The following ARHGDIG variants were observed in gnomAD, a reference collection of about 807,000 sequenced individuals.
ARHGDIG encodes the protein rho GDP-dissociation inhibitor 3.
In ARHGDIG, 14 loss-of-function variants were observed where a neutral mutation model predicts 20.2. The ratio of observed to expected loss-of-function variants is 0.69; its 90% CI spans 0.46 to 1.08. The LOEUF is 1.08. Among genes scored for constraint, ARHGDIG ranks in the 50% least tolerant of loss-of-function variants. The pLI, the probability that ARHGDIG is intolerant of heterozygous loss-of-function variation, is 0.00. For synonymous variants in ARHGDIG, 193 were observed against 138.6 expected, an observed-to-expected ratio of 1.39 and a Z score of -2.76; for missense variants, 311 against 301.8, an observed-to-expected ratio of 1.03 and a Z score of -0.23.
In ARHGDIG at chr16:282,370, C is replaced by T; in HGVS notation, c.411C>T (p.Phe137=). The change falls in exon 4 of 6, where the codon TTC becomes TTT. Residue 137 remains phenylalanine (F), a synonymous_variant. Coordinates refer to ENST00000219409, the MANE Select transcript of ARHGDIG (RefSeq NM_001176.4). ...TTGATTACAGAGTGAAGATCTCCTT[C>T]AAGGTGAGAGCCGGGGCAATGGGCG... The part of the protein sequence containing the change: ...EGVDYRVKIS[F]KVHREIVSGL... 1 of 1,595,534 alleles carries T rather than the reference C, an allele frequency of 6.3e-7. No homozygotes were observed.
Position 282,696 on chromosome 16 carries a change from C to T in ARHGDIG, c.560C>T (p.Pro187Leu), listed in dbSNP as rs1486138480. Residue 187 changes from proline (P) to leucine (L), a missense_variant, in exon 6 of 6, where the codon CCG (proline) becomes CTG (leucine). By Grantham distance (98) the Pro-to-Leu change is moderately conservative (BLOSUM62 -3). Transcript: ENST00000219409. ...TTTGTGACTCCGGTGGAGGAAGCGC[C>T]GAGGGGTGCGCTGGTGCGGGGCCCC... Reference protein sequence around the residue: ...YEFVTPVEEAPRGALVRGPYL... With the variant: ...YEFVTPVEEALRGALVRGPYL... 11 of 1,602,074 alleles carry T rather than the reference C, an allele frequency of 6.9e-6. No individual in the cohort carries two copies. Among genetic ancestry groups the T allele is most frequent in the Admixed American group, 1.7e-5 (1 of 59,114 alleles).
At position 281,864 on chromosome 16, in the gene ARHGDIG, G is replaced by A. The variant is rs929197834; in HGVS notation, c.192G>A (p.Pro64=). ...KSLLEIRQLD[P]DDRSLAKYKR... ...TCTTGGAGATCCGGCAGCTGGACCC[G>A]GACGACAGGAGCCTGGCCAAGTACA... Residue 64 remains proline, a synonymous_variant, in exon 2 of 6, where the codon CCG becomes CCA. Transcript: ENST00000219409. 9 of 1,610,918 alleles carry A rather than the reference G, an allele frequency of 5.6e-6. No individual in the cohort carries two copies. Among genetic ancestry groups the A allele is most frequent in the Middle Eastern group, 3.3e-4 (2 of 6,074 alleles).
In ARHGDIG at chr16:280,919, T is replaced by G; in HGVS notation, c.73+166T>G. 1 of 308,584 alleles carries G rather than the reference T, an allele frequency of 3.2e-6. No individual in the cohort carries two copies. The highest frequency in any genetic ancestry group is 5.9e-4 in the Middle Eastern group (1 of 1,700). 19.1% of individuals were successfully genotyped at this position (308,584 alleles called of 1,614,324 possible). ...GGACTTCATCCAGGCTCCAGCCCTG[T>G]GGGGAAGGGACCAGGTGCGGACGGG... On this transcript the variant is annotated intron_variant, in intron 1 of 5. Transcript: ENST00000219409. This position sits in a 1 kb window ranked among gnomAD's most constrained non-coding sequence, Gnocchi z 6.6.
rs747704322 is a variant in ARHGDIG, at chr16:282,545, G to A, written c.478+15G>A. On this transcript the variant is annotated intron_variant, in intron 5 of 5. Transcript: ENST00000219409. ...GGGCCTGCGCGGTGAGGGCAGCGGT[G>A]GGGGGAACGGGGCGGGGGGGGGAAG... The A allele has an allele frequency of 2.6e-6, 4 of 1,552,244 alleles. No individual in the cohort carries two copies. Among genetic ancestry groups the A allele is most frequent in the East Asian group, 2.3e-5 (1 of 42,718 alleles).
chr16:282,779 T>A lies in ARHGDIG; in HGVS notation c.643T>A (p.Trp215Arg). The A allele has an allele frequency of 6.2e-7, 1 of 1,608,162 alleles. No individual in the cohort carries two copies. The highest frequency in any genetic ancestry group is 8.5e-7 in the Non-Finnish European group (1 of 1,178,526). The change falls in exon 6 of 6, where the codon TGG (tryptophan) becomes AGG (arginine). Residue 215 changes from tryptophan to arginine, a missense_variant. Physicochemically the swap from Trp to Arg is moderately radical, Grantham distance 101. Coordinates refer to ENST00000219409, the MANE Select transcript of ARHGDIG (RefSeq NM_001176.4). ...CAGGACGCACCACCTGTCCTGGGAGTGGGGTCTCTGCATCTGCCAGGACTG... is the reference window on the plus strand; with the variant it reads ...CAGGACGCACCACCTGTCCTGGGAGAGGGGTCTCTGCATCTGCCAGGACTG... ...DDRTHHLSWEWGLCICQDWKD is the reference protein window; with the variant it reads ...DDRTHHLSWERGLCICQDWKD
chr16:282,908 T>A lies in ARHGDIG; in HGVS notation c.*94T>A. The A allele has an allele frequency of 1.0e-6, 1 of 963,256 alleles. No individual in the cohort carries two copies. The highest frequency in any genetic ancestry group is 1.5e-6 in the Non-Finnish European group (1 of 688,928). 59.7% of individuals were successfully genotyped at this position (963,256 alleles called of 1,614,324 possible). ...CCCCGTGAGTGACCAGACCCTCCCC[T>A]GCTGCCCCTGCTGCCCCTGCTGCCC... On this transcript the variant is annotated 3_prime_UTR_variant, in exon 6 of 6. Transcript: ENST00000219409.
rs928071033 is a variant in ARHGDIG at position 281,741 on chromosome 16, C to T, written c.74-5C>T. The T allele has an allele frequency of 1.3e-6, 2 of 1,576,476 alleles. No individual in the cohort carries two copies. The highest frequency in any genetic ancestry group is 1.7e-6 in the Non-Finnish European group (2 of 1,162,362). On this transcript the variant is annotated splice_region_variant and splice_polypyrimidine_tract_variant and intron_variant, in intron 1 of 5. Transcript: ENST00000219409. ...GCTGCTGCTCACGCCCCTCCCCACC[C>T]CCAGTCCTCCTGGCTGACAAGGAGG...
At chr16:282,180 C>T (rs751588062) in intron 3 of ARHGDIG, 72 bp downstream of exon 3, 35 of 1,606,232 alleles carry the variant, frequency 2.2e-5, no homozygotes, top group Middle Eastern at 3.4e-4. Flanking sequence ...CCCTGAGTTC[C>T]GAGCCCTGGG....
At position 280,759 on chromosome 16, in the gene ARHGDIG, C is replaced by CG. The variant is rs2052274884; in HGVS notation, c.73+9dup. 7.8e-7 allele frequency: 1 copy of CG among 1,276,852 alleles called. No individual in the cohort carries two copies. Among genetic ancestry groups the CG allele is most frequent in the Admixed American group, 4.1e-5 (1 of 24,564 alleles). The allele number at this position is 1,276,852 out of a possible 1,614,324, so 79.1% of individuals were successfully genotyped here. On this transcript the variant is annotated splice_region_variant and intron_variant, in intron 1 of 5. Transcript: ENST00000219409. This position sits in a 1 kb window ranked among gnomAD's most constrained non-coding sequence, Gnocchi z 6.6. ...GCTGGCGCTGTGCGCCCGAGGTGAG[C>CG]GGGCCGGGCAGGGGCGGGGGGCTCG...
chr16:282,236 C>T (rs1431500125), intron 3 of ARHGDIG, 61 bp from the exon 4 acceptor site: 2 of 1,608,736 alleles, frequency 1.2e-6, no homozygotes, highest in African/African-American at 1.3e-5. Flanking sequence ...TACGTGGGGG[C>T]TCCTGGAGCA....
chr16:282,558 C>CGGGGGGG, intron 5 of ARHGDIG, 28 bp downstream of exon 5: 2 of 1,310,078 alleles, frequency 1.5e-6, no homozygotes, highest in Admixed American at 2.5e-5. Context: ...GGGAACGGGG[C>CGGGGGGG]GGGGGGGGGA....
rs147346513 is a variant in ARHGDIG at position 282,092 on chromosome 16, C to G, written c.321C>G (p.Val107=). The change falls in exon 3 of 6, where the codon GTC becomes GTG. Residue 107 remains valine (V), a synonymous_variant. Transcript: ENST00000219409. ...TGTCGGAACAGGCTCCGGGGCCCGT[C>G]GTCATGGATCTCACAGGTAACTCGC... ...TLLSEQAPGP[V]VMDLTGDLAV... is the part of the protein sequence containing the mutation. The G allele has an allele frequency of 2.6e-4, 413 of 1,612,760 alleles. No homozygotes were observed. The highest frequency in any genetic ancestry group is 3.2e-4 in the Non-Finnish European group (378 of 1,179,948).
Position 280,836 on chromosome 16 carries a change from G to T in ARHGDIG, c.73+83G>T. The T allele has an allele frequency of 1.1e-6, 1 of 908,270 alleles. No individual in the cohort carries two copies. 56.3% of individuals were successfully genotyped at this position (908,270 alleles called of 1,614,324 possible). Reference sequence around the variant, plus strand: ...AGCCCCTCCCCCGCGGCAACTTTGGGGGCGCGCATGGGGACCTCGCGGCGC... The same window carrying T: ...AGCCCCTCCCCCGCGGCAACTTTGGTGGCGCGCATGGGGACCTCGCGGCGC... On this transcript the variant is annotated intron_variant, in intron 1 of 5. Coordinates refer to ENST00000219409, the MANE Select transcript of ARHGDIG (RefSeq NM_001176.4). The surrounding 1 kb of genome is among the most constrained non-coding windows in gnomAD (Gnocchi z 6.6).
intron 4 of ARHGDIG, 31 bp from the exon 5 acceptor site, chr16:282,436 C>G (rs1338397033): frequency 1.2e-6 from 2 of 1,611,994 alleles, no homozygotes; most frequent in South Asian, 1.1e-5. Flanking sequence ...GGCCTGGCCC[C>G]CAGAGGAACC....
Position 282,319 on chromosome 16 carries a change from C to T in ARHGDIG, c.360C>T (p.Asp120=). The T allele has an allele frequency of 6.2e-7, 1 of 1,613,292 alleles. No homozygotes were observed. The highest frequency in any genetic ancestry group is 8.5e-7 in the Non-Finnish European group (1 of 1,179,960). ...DLTGDLAVLK[D]QVFVLKEGVD... ...TAGGGGACCTGGCTGTTCTGAAGGACCAGGTGTTTGTCCTGAAGGAAGGTG... is the reference window on the plus strand; with the variant it reads ...TAGGGGACCTGGCTGTTCTGAAGGATCAGGTGTTTGTCCTGAAGGAAGGTG... The change falls in exon 4 of 6, where the codon GAC becomes GAT. Residue 120 remains aspartate, a synonymous_variant. Transcript: ENST00000219409.
rs1026591040 is a variant in ARHGDIG, at chr16:280,947, G to C, written c.73+194G>C. The C allele has an allele frequency of 1.9e-5, 5 of 264,454 alleles. No homozygotes were observed. Among genetic ancestry groups the C allele is most frequent in the African/African-American group, 1.1e-4 (5 of 43,520 alleles). The allele number at this position is 264,454 out of a possible 1,614,324, so 16.4% of individuals were successfully genotyped here. On this transcript the variant is annotated intron_variant, in intron 1 of 5. Coordinates refer to ENST00000219409, the MANE Select transcript of ARHGDIG (RefSeq NM_001176.4). The surrounding 1 kb of genome is among the most constrained non-coding windows in gnomAD (Gnocchi z 6.6). ...GGAAGGGACCAGGTGCGGACGGGTC[G>C]GCTTGGGAAGCGGCGGCGCTGGGAC...
intron 5 of ARHGDIG, 37 bp downstream of exon 5, chr16:282,567 G>GGGGAGGGGGGGGGGGGGGGA: frequency 1.0e-6 from 1 of 957,428 alleles, no homozygotes; most frequent in Admixed American, 2.4e-5. Flanking sequence ...GCGGGGGGGG[G>GGGGAGGGGGGGGGGGGGGGA]AAGCGGGGGC....
rs765989182 is a variant in ARHGDIG at position 282,116 on chromosome 16, G to T, written c.337+8G>T. The T allele has an allele frequency of 1.7e-5, 27 of 1,612,642 alleles. No homozygotes were observed. Among genetic ancestry groups the T allele is most frequent in the Non-Finnish European group, 2.3e-5 (27 of 1,179,904 alleles). ...TCGTCATGGATCTCACAGGTAACTC[G>T]CAGGATGCTGCACCCTGAACACAGG... On this transcript the variant is annotated splice_region_variant and intron_variant, in intron 3 of 5. Coordinates refer to ENST00000219409, the MANE Select transcript of ARHGDIG (RefSeq NM_001176.4).
rs1047590215 is a variant in ARHGDIG, at chr16:281,675, G to A, written c.74-71G>A. The A allele has an allele frequency of 1.2e-5, 18 of 1,461,050 alleles. No individual in the cohort carries two copies. In the Admixed American group the frequency reaches 3.0e-4, roughly 24 times the overall value. The allele number at this position is 1,461,050 out of a possible 1,614,324, so 90.5% of individuals were successfully genotyped here. ...TAGTGGGAGGTACAGCTGGCCAGAG[G>A]GGGCTCCAGCCTGGTGCTCGAATGC... On this transcript the variant is annotated intron_variant, in intron 1 of 5. Transcript: ENST00000219409.
Sources: allele counts gnomAD v4.1 joint callset, GRCh38; gene constraint gnomAD v4.1.1; non-coding constraint Gnocchi (gnomAD v3.1); transcripts MANE v1.5; gene names NCBI Gene and HGNC (gene_info 2026-07-23, HGNC 2026-07-21).